The following MYH14 variants were observed in gnomAD, a reference collection of about 807,000 sequenced individuals.
MYH14 encodes the protein myosin heavy chain 14, also known as myosin-14.
MYH14 carries 123 observed loss-of-function variants against 255.5 expected under a neutral mutation model. The observed-to-expected ratio is 0.48, with a 90% confidence interval of 0.42 to 0.56. The LOEUF (loss-of-function observed/expected upper bound fraction) is 0.56. Among genes scored for constraint, MYH14 ranks in the 20% least tolerant of loss-of-function variants. The probability of loss-of-function intolerance (pLI) is 0.00; values close to 1 mark genes in which losing one functional copy is unlikely to be tolerated. For synonymous variants in MYH14, 1,095 were observed against 1,161.2 expected, an observed-to-expected ratio of 0.94 and a Z score of 1.16; for missense variants, 2,423 against 2,802.3, an observed-to-expected ratio of 0.86 and a Z score of 3.06.
rs2034325954 is a variant in MYH14 at position 50,250,439 on chromosome 19, A to G, written c.1657-76A>G. The G allele has an allele frequency of 4.2e-6, 6 of 1,443,852 alleles. No homozygotes were observed. Among genetic ancestry groups the G allele is most frequent in the Non-Finnish European group, 4.8e-6 (5 of 1,047,626 alleles). 89.4% of individuals were successfully genotyped at this position (1,443,852 alleles called of 1,614,324 possible). On this transcript the variant is annotated intron_variant, in intron 14 of 42. Coordinates refer to ENST00000642316, the MANE Select transcript of MYH14 (RefSeq NM_001145809.2). The surrounding 1 kb of genome is among the most constrained non-coding windows in gnomAD (Gnocchi z 5.4). ...TTTATGTCCAAGTGTGACTTATAAG[A>G]GCTAAAAATCAGCAGCCACCTGAGT...
rs762864648 is a variant in MYH14, at chr19:50,259,294, C to A, written c.2354+29C>A. 1.0e-5 allele frequency: 16 copies of A among 1,553,024 alleles called. 1 individual carries two copies. In the South Asian group the frequency reaches 1.8e-4, roughly 17 times the overall value. ...AGCTAGAGCGAGGGCCCAGGCCCGG[C>A]GGAGGGGCTGGGTGGGACCCGGGTC... On this transcript the variant is annotated intron_variant, in intron 19 of 42. Coordinates refer to ENST00000642316, the MANE Select transcript of MYH14 (RefSeq NM_001145809.2).
chr19:50,286,684 T>C lies in MYH14; in HGVS notation c.4742T>C (p.Val1581Ala), dbSNP rs2035901989. 1 of 1,573,040 alleles carries C rather than the reference T, an allele frequency of 6.4e-7. No individual in the cohort carries two copies. The highest frequency in any genetic ancestry group is 8.6e-7 in the Non-Finnish European group (1 of 1,160,692). The change falls in exon 34 of 43, where the codon GTC becomes GCC. Residue 1581 changes from valine to alanine, a missense_variant. Physicochemically the swap from Val to Ala is moderately conservative, Grantham distance 64. Transcript: ENST00000642316. ...LEALLSSKDD[V>A]GKSVHELERA... The stretch of plus-strand genomic sequence containing the variant: ...GCACTGCTGAGCAGCAAGGATGACG[T>C]CGGCAAGAGCGTGAGCAGGGCCCCC...
chr19:50,219,092 ACT>A (rs200406428), intron 3 of MYH14, among the ~76,000 whole-genome samples: 16 of 139,898 alleles, frequency 1.1e-4, no homozygotes, highest in Middle Eastern at 3.6e-3. Flanking sequence ...GTGTGTATAC[ACT>A]CACACACACA....
intron 6 of MYH14, among the ~76,000 whole-genome samples, chr19:50,225,047 T>C (rs1346205270): frequency 6.6e-6 from 1 of 152,160 alleles, no homozygotes; most frequent in African/African-American, 2.4e-5. Context: ...TTGAGGCTGC[T>C]ATGAGTTATG....
chr19:50,280,517 A>G lies in MYH14; in HGVS notation c.4290+134A>G. Reference sequence around the variant, plus strand: ...CCCATGGGTGCCTTTCTCATCTCTGACTCCCCCTTACCCCCCACAGCCCAT... The same window carrying G: ...CCCATGGGTGCCTTTCTCATCTCTGGCTCCCCCTTACCCCCCACAGCCCAT... On this transcript the variant is annotated intron_variant, in intron 32 of 42. Coordinates refer to ENST00000642316, the MANE Select transcript of MYH14 (RefSeq NM_001145809.2). The surrounding 1 kb of genome is among the most constrained non-coding windows in gnomAD (Gnocchi z 4.8). The G allele has an allele frequency of 1.1e-6, 1 of 931,018 alleles. No individual in the cohort carries two copies. The highest frequency in any genetic ancestry group is 1.6e-6 in the Non-Finnish European group (1 of 644,888). 57.7% of individuals were successfully genotyped at this position (931,018 alleles called of 1,614,324 possible). A position where few individuals can be genotyped will look rare whatever the true frequency, so the allele number is the denominator to read the frequency against.
In MYH14 at chr19:50,250,060, A is replaced by G. The variant is rs2034305955; in HGVS notation, c.1656+237A>G. On this transcript the variant is annotated intron_variant, in intron 14 of 42. Coordinates refer to ENST00000642316, the MANE Select transcript of MYH14 (RefSeq NM_001145809.2). This position sits in a 1 kb window ranked among gnomAD's most constrained non-coding sequence, Gnocchi z 5.4. ...TCGGTTAATCAGAGCTCTCACCGTA[A>G]CTGTTGTTCTCACGTTTGTTTTTTG... Among the ~76,000 whole-genome samples the G allele has an allele frequency of 6.6e-6, 1 of 152,174 alleles. No homozygotes were observed. Among genetic ancestry groups the G allele is most frequent in the South Asian group, 2.1e-4 (1 of 4,820 alleles).
chr19:50,304,695 A>G (rs540217266), intron 40 of MYH14, among the ~76,000 whole-genome samples: 3 of 152,260 alleles, frequency 2.0e-5, no homozygotes, highest in Non-Finnish European at 2.9e-5. Context: ...GTCTAATACC[A>G]TGTCTGGTGG....
chr19:50,285,647 A>T (rs2035867026), intron 33 of MYH14: 1 of 152,172 alleles, frequency 6.6e-6, no homozygotes, highest in Non-Finnish European at 1.5e-5. Context: ...TACATAGATG[A>T]TCATGTTTTC....
chr19:50,226,967 G>A lies in MYH14; in HGVS notation c.874+1G>A, dbSNP rs2033138929. 2 of 1,613,682 alleles carry A rather than the reference G, an allele frequency of 1.2e-6. No individual in the cohort carries two copies. Among genetic ancestry groups the A allele is most frequent in the East Asian group, 4.5e-5 (2 of 44,874 alleles). On this transcript the variant is annotated splice_donor_variant, in intron 8 of 42. Transcript: ENST00000642316. LOFTEE classifies it high-confidence loss of function. ...ATCGTGGGCGCCAACATTGAGACCT[G>A]TATCCTCTCACAGCCCATGGGGGTG...
At chr19:50,309,598 C>G (rs763438173) in intron 42 of MYH14, 42 bp from the exon 43 acceptor site, 1 of 1,395,034 alleles carries the variant, frequency 7.2e-7, no homozygotes, top group African/African-American at 1.4e-5. Flanking sequence ...CCCCTCCCCT[C>G]CCCTCATTTC....
intron 10 of MYH14, among the ~76,000 whole-genome samples, chr19:50,236,931 A>G (rs2033684689): frequency 1.3e-5 from 2 of 152,102 alleles, no homozygotes; most frequent in South Asian, 4.1e-4. Context: ...AAGATAACGC[A>G]TACCCTTTAG....
At chr19:50,306,461 C>T (rs10418093) in intron 40 of MYH14, among the ~76,000 whole-genome samples, 1 of 152,132 alleles carries the variant, frequency 6.6e-6, no homozygotes, top group East Asian at 1.9e-4. Context: ...ATGGTCCATG[C>T]AGGAGAGGAC....
chr19:50,299,208 G>A (rs576946349), intron 39 of MYH14, among the ~76,000 whole-genome samples: 114 of 152,332 alleles, frequency 7.5e-4, no homozygotes, highest in Non-Finnish European at 1.3e-3. Flanking sequence ...CCGTAAGTGT[G>A]TGATCAGAAA....
At chr19:50,218,001 A>T (rs2032581767) in intron 3 of MYH14, among the ~76,000 whole-genome samples, 1 of 151,838 alleles carries the variant, frequency 6.6e-6, no homozygotes, top group Non-Finnish European at 1.5e-5. Flanking sequence ...TATTGTTATT[A>T]TTATTATTAG....
At position 50,210,380 on chromosome 19, in the gene MYH14, C is replaced by A. The variant is rs746635765; in HGVS notation, c.15C>A (p.Thr5=). 1.1e-5 allele frequency: 17 copies of A among 1,587,322 alleles called. No homozygotes were observed. The Admixed American group carries it at 2.4e-4, about 23-fold the overall frequency. MAAV[T]MSVPGRKAPP... ...CCCTGCAGACCATGGCAGCCGTGACCATGTCGGTGCCCGGGCGGAAGGCGC... is the reference window on the plus strand; with the variant it reads ...CCCTGCAGACCATGGCAGCCGTGACAATGTCGGTGCCCGGGCGGAAGGCGC... The change falls in exon 2 of 43, where the codon ACC becomes ACA. Residue 5 remains threonine, a synonymous_variant. Transcript: ENST00000642316.
chr19:50,309,619 C>A, intron 42 of MYH14, 21 bp from the exon 43 acceptor site: 1 of 1,328,322 alleles, frequency 7.5e-7, no homozygotes, highest in Non-Finnish European at 1.0e-6. Context: ...ATCTCTGTAT[C>A]CTGGTCTCTC....
At chr19:50,240,898 G>A (rs1031983454) in intron 10 of MYH14, among the ~76,000 whole-genome samples, 5 of 152,148 alleles carry the variant, frequency 3.3e-5, no homozygotes, top group Non-Finnish European at 7.4e-5. Flanking sequence ...GGGTGATCTT[G>A]GGTGAGTTGA....
intron 3 of MYH14, among the ~76,000 whole-genome samples, chr19:50,222,247 G>A (rs770754128): frequency 7.9e-5 from 12 of 152,034 alleles, no homozygotes; most frequent in Admixed American, 2.0e-4. Context: ...TTGGGAGGCC[G>A]AGGCCGGTGG....
rs1011122127 is a variant in MYH14, at chr19:50,276,354, G to A, written c.3680+151G>A. 6.6e-6 allele frequency among the ~76,000 whole-genome samples: 1 copy of A among 152,158 alleles called. No individual in the cohort carries two copies. The highest frequency in any genetic ancestry group is 6.5e-5 in the Admixed American group (1 of 15,272). ...TCTAGGTCCGGCCTGGGTCAAGCTGGGGACAGAGATGGGTCAGACCCAGGT... is the reference window on the plus strand; with the variant it reads ...TCTAGGTCCGGCCTGGGTCAAGCTGAGGACAGAGATGGGTCAGACCCAGGT... On this transcript the variant is annotated intron_variant, in intron 28 of 42. Transcript: ENST00000642316. This position sits in a 1 kb window ranked among gnomAD's most constrained non-coding sequence, Gnocchi z 4.3.
Sources: gnomAD v4.1 joint callset for allele counts (sites outside exome capture counted in the v4.1 genomes callset) on GRCh38, gnomAD v4.1.1 for gene constraint, Gnocchi (gnomAD v3.1) non-coding constraint, MANE v1.5 for transcripts, NCBI Gene and HGNC (gene_info 2026-07-23, HGNC 2026-07-21) for gene names.